Variants in MRPS28 observed in about 807,000 individuals in gnomAD.
MRPS28 encodes the protein mitochondrial ribosomal protein S28.
Under a neutral mutation model 10.8 loss-of-function variants are expected in MRPS28, and 7 were observed. That is an observed-to-expected ratio of 0.65 (90% confidence interval 0.37 to 1.22). The LOEUF is 1.22. Ranked by LOEUF, MRPS28 falls within the 50% of genes most tolerant of loss-of-function variation. The pLI is 0.02. For missense variants in MRPS28, 265 were observed against 232.9 expected (o/e 1.14, Z -0.90); for synonymous variants, 121 against 93.3 (o/e 1.30, Z -1.71).
At chr8:80,005,858 T>C (rs1554574119) in intron 1 of MRPS28, among the ~76,000 whole-genome samples, 1 of 152,170 alleles carries the variant, frequency 6.6e-6, no homozygotes, top group Non-Finnish European at 1.5e-5. Flanking sequence ...AAACAGACTT[T>C]AAACCAACAA....
intron 2 of MRPS28, among the ~76,000 whole-genome samples, chr8:79,951,098 A>G (rs992815827): frequency 1.3e-5 from 2 of 152,214 alleles, no homozygotes; most frequent in African/African-American, 4.8e-5. Flanking sequence ...GGCCTCATGC[A>G]CAGAAGGGCC....
chr8:79,927,203 T>C (rs982900114), intron 2 of MRPS28, among the ~76,000 whole-genome samples: 1 of 152,222 alleles, frequency 6.6e-6, no homozygotes, highest in East Asian at 1.9e-4. Flanking sequence ...GCTGAATCAT[T>C]TTAGCTTGGC....
chr8:79,988,854 C>T (rs1200102691), intron 2 of MRPS28, among the ~76,000 whole-genome samples: 2 of 152,156 alleles, frequency 1.3e-5, no homozygotes, highest in East Asian at 1.9e-4. Flanking sequence ...GCTTGACTTC[C>T]TTGCACATGC....
At chr8:79,972,716 A>G (rs1479647553) in intron 2 of MRPS28, among the ~76,000 whole-genome samples, 1 of 152,244 alleles carries the variant, frequency 6.6e-6, no homozygotes, top group African/African-American at 2.4e-5. Flanking sequence ...TTTTTTAAAA[A>G]CCACATACTA....
At chr8:79,960,191 T>C (rs1238998125) in intron 2 of MRPS28, among the ~76,000 whole-genome samples, 1 of 152,132 alleles carries the variant, frequency 6.6e-6, no homozygotes, top group Non-Finnish European at 1.5e-5. Context: ...GAAAGCTAGA[T>C]GGGAAAATGC....
At chr8:79,932,439 G>T (rs1335117087) in intron 2 of MRPS28, among the ~76,000 whole-genome samples, 1 of 152,156 alleles carries the variant, frequency 6.6e-6, no homozygotes, top group Non-Finnish European at 1.5e-5. Context: ...AAGGCTCACG[G>T]TAGGGTAAAG....
chr8:80,020,873 CAGA>C lies in MRPS28; in HGVS notation c.213+9160_213+9162del, dbSNP rs1299546997. Among the ~76,000 whole-genome samples, 5 of 151,980 alleles carry C rather than the reference CAGA, an allele frequency of 3.3e-5. No homozygotes were observed. The East Asian group carries it at 5.8e-4, about 18-fold the overall frequency. ...GTGATCTCTATCATAACCCATAGGA[CAGA>C]AGAAGAAAACACTGGAATTTCTATT... On this transcript the variant is annotated intron_variant, in intron 1 of 2. Transcript: ENST00000276585.
chr8:79,947,175 C>A (rs1341040088), intron 2 of MRPS28, among the ~76,000 whole-genome samples: 1 of 152,062 alleles, frequency 6.6e-6, no homozygotes, highest in African/African-American at 2.4e-5. Flanking sequence ...AAAATACAGC[C>A]AACACTGGCA....
At chr8:79,921,760 T>C (rs1810101187) in intron 2 of MRPS28, among the ~76,000 whole-genome samples, 1 of 152,154 alleles carries the variant, frequency 6.6e-6, no homozygotes, top group Non-Finnish European at 1.5e-5. Context: ...TTTTCCTAAT[T>C]GAATACCCTT....
intron 2 of MRPS28, chr8:79,958,386 T>C (rs1419188083): frequency 4.3e-6 from 3 of 699,276 alleles, no homozygotes; most frequent in Non-Finnish European, 7.8e-6. Flanking sequence ...AAACAGGTTA[T>C]CATCACTTGT....
intron 2 of MRPS28, among the ~76,000 whole-genome samples, chr8:79,920,360 T>G (rs542534881): frequency 1.3e-5 from 2 of 152,246 alleles, no homozygotes; most frequent in East Asian, 1.9e-4. Flanking sequence ...CTTGAGGAAT[T>G]GCCACACTGT....
chr8:80,025,404 T>C (rs1158256929), intron 1 of MRPS28, among the ~76,000 whole-genome samples: 1 of 152,230 alleles, frequency 6.6e-6, no homozygotes, highest in Non-Finnish European at 1.5e-5. Flanking sequence ...GTAACTCAAA[T>C]TGTGTGTACA....
At chr8:79,931,055 T>C (rs1414314913) in intron 2 of MRPS28, among the ~76,000 whole-genome samples, 2 of 152,176 alleles carry the variant, frequency 1.3e-5, no homozygotes, top group African/African-American at 4.8e-5. Flanking sequence ...AACATTCAAA[T>C]AATAAAATTC....
intron 1 of MRPS28, among the ~76,000 whole-genome samples, chr8:80,005,029 C>T (rs146968711): frequency 0.014 from 2,156 of 152,228 alleles, 47 homozygotes; most frequent in African/African-American, 0.049. Context: ...CCAAAAGTGA[C>T]GGGGAGAATG....
At chr8:79,985,963 G>A (rs1350253874) in intron 2 of MRPS28, among the ~76,000 whole-genome samples, 1 of 152,038 alleles carries the variant, frequency 6.6e-6, no homozygotes, top group Non-Finnish European at 1.5e-5. Context: ...GCCTGGCAGA[G>A]ACACAACCAA....
chr8:80,005,608 T>C (rs567921549), intron 1 of MRPS28, among the ~76,000 whole-genome samples: 3 of 152,300 alleles, frequency 2.0e-5, no homozygotes, highest in South Asian at 4.1e-4. Context: ...AACATCATAA[T>C]GACAGGATCA....
intron 2 of MRPS28, among the ~76,000 whole-genome samples, chr8:79,961,085 A>G (rs1471873729): frequency 6.6e-6 from 1 of 152,084 alleles, no homozygotes; most frequent in Non-Finnish European, 1.5e-5. Flanking sequence ...TTTAACTACT[A>G]TATCCTGAAT....
At chr8:79,959,110 C>T (rs75734627) in intron 2 of MRPS28, among the ~76,000 whole-genome samples, 5,590 of 152,112 alleles carry the variant, frequency 0.037, 274 homozygotes, top group African/African-American at 0.11. Context: ...AAGCACTAGA[C>T]TGTACAGGAA....
chr8:80,015,910 G>A (rs1809182929), intron 1 of MRPS28, among the ~76,000 whole-genome samples: 1 of 152,004 alleles, frequency 6.6e-6, no homozygotes, highest in African/African-American at 2.4e-5. Flanking sequence ...TGCCTTTGAT[G>A]GGCTTACAGG....
Sources: allele counts gnomAD v4.1 joint callset (sites outside exome capture counted in the v4.1 genomes callset), GRCh38; gene constraint gnomAD v4.1.1; transcripts MANE v1.5; gene names NCBI Gene and HGNC (gene_info 2026-07-23, HGNC 2026-07-21).